Variants in NIPAL2 observed in about 807,000 individuals in gnomAD.
NIPAL2 encodes NIPA like domain containing 2.
In NIPAL2, 43 loss-of-function variants were observed where a neutral mutation model predicts 48.9. The observed-to-expected ratio is 0.88, with a 90% CI of 0.69 to 1.13. NIPAL2 has a LOEUF of 1.13. NIPAL2 is among the 50% of genes most tolerant of loss of function. The probability of loss-of-function intolerance (pLI) is 0.00; values close to 1 mark genes in which losing one functional copy is unlikely to be tolerated. For missense variants in NIPAL2, 446 were observed against 461.4 expected (o/e 0.97, Z 0.31); for synonymous variants, 167 against 174.6 (o/e 0.96, Z 0.34).
At chr8:98,228,479 C>G (rs1274625587) in intron 4 of NIPAL2, among the ~76,000 whole-genome samples, 1 of 152,206 alleles carries the variant, frequency 6.6e-6, no homozygotes, top group Non-Finnish European at 1.5e-5. Flanking sequence ...TACTTGCTAC[C>G]TGGAAGAGCT....
chr8:98,210,056 G>T (rs1264324084), intron 6 of NIPAL2, among the ~76,000 whole-genome samples: 1 of 151,682 alleles, frequency 6.6e-6, no homozygotes, highest in East Asian at 1.9e-4. Flanking sequence ...TCTGATGGAG[G>T]ATCTATTTTA....
chr8:98,284,993 TA>T (rs1816073737), intron 1 of NIPAL2, among the ~76,000 whole-genome samples: 1 of 151,960 alleles, frequency 6.6e-6, no homozygotes, highest in Non-Finnish European at 1.5e-5. Flanking sequence ...TCCTTGGGGG[TA>T]AGGAGAGATA....
rs937343159 is a variant in NIPAL2, at chr8:98,262,843, C to T, written c.136-8756G>A. ...AATATACATTTTTTTCAGCACCGCA[C>T]CACACCTGTTCCAAAATTGACCACA... is the stretch of plus-strand genomic sequence containing the variant. On this transcript the variant is annotated intron_variant, in intron 1 of 10. Coordinates refer to ENST00000430223, the MANE Select transcript of NIPAL2 (RefSeq NM_001321635.2). Among the ~76,000 whole-genome samples the T allele has an allele frequency of 2.0e-5, 3 of 152,108 alleles. No homozygotes were observed. The South Asian group carries it at 6.2e-4, about 32-fold the overall frequency.
intron 1 of NIPAL2, among the ~76,000 whole-genome samples, chr8:98,270,872 G>T (rs1253862563): frequency 6.6e-6 from 1 of 152,042 alleles, no homozygotes; most frequent in Non-Finnish European, 1.5e-5. Flanking sequence ...GAGGTAATTT[G>T]TTTATATGGT....
chr8:98,254,032 G>A lies in NIPAL2; in HGVS notation c.191C>T (p.Ser64Phe), dbSNP rs754625483. 6.2e-7 allele frequency: 1 copy of A among 1,609,244 alleles called. No homozygotes were observed. The highest frequency in any genetic ancestry group is 8.5e-7 in the Non-Finnish European group (1 of 1,176,598). ...CTTTTTTCTTACCTGAATATTTAGA[G>A]AAATACTGATCACCAAGTTTCCTAA... ...AILGNLVISI[S>F]LNIQKYSHLQ... The change falls in exon 2 of 11, where the codon TCT (serine) becomes TTT (phenylalanine). Residue 64 changes from serine (S) to phenylalanine (F), a missense_variant. By Grantham distance (155) the Ser-to-Phe change is radical. Transcript: ENST00000430223.
rs1447895706 is a variant in NIPAL2, at chr8:98,222,682, C to T, written c.437-82G>A. 7 of 1,384,938 alleles carry T rather than the reference C, an allele frequency of 5.1e-6. No homozygotes were observed. In the African/African-American group the frequency reaches 7.2e-5, roughly 14 times the overall value. 85.8% of individuals were successfully genotyped at this position (1,384,938 alleles called of 1,614,324 possible). A position where few individuals can be genotyped will look rare whatever the true frequency, so the allele number is the denominator to read the frequency against. ...ACGCAGACATTGCCTAGAGACTGCG[C>T]ATTACTTGTAAAAGTGCCAATCGCC... On this transcript the variant is annotated intron_variant, in intron 4 of 10. Transcript: ENST00000430223.
At chr8:98,242,737 GC>G (rs535855113) in intron 3 of NIPAL2, among the ~76,000 whole-genome samples, 104 of 152,152 alleles carry the variant, frequency 6.8e-4, no homozygotes, top group African/African-American at 2.3e-3. Context: ...TCCCGCCTTG[GC>G]CTCGCAAAGT....
intron 6 of NIPAL2, among the ~76,000 whole-genome samples, chr8:98,210,836 A>G (rs1275683954): frequency 6.6e-6 from 1 of 152,070 alleles, no homozygotes; most frequent in Non-Finnish European, 1.5e-5. Context: ...CTTAATTTTC[A>G]TTTAGTAATA....
intron 4 of NIPAL2, among the ~76,000 whole-genome samples, 191 bp from the exon 5 acceptor site, chr8:98,222,791 G>C (rs1038464952): frequency 2.0e-5 from 3 of 152,230 alleles, no homozygotes; most frequent in Admixed American, 6.5e-5. Context: ...CAGGGGAATA[G>C]AGCCGGGGGA....
intron 1 of NIPAL2, 78 bp downstream of exon 1, chr8:98,293,925 C>T: frequency 7.8e-7 from 1 of 1,283,978 alleles, no homozygotes; most frequent in Non-Finnish European, 1.0e-6. Flanking sequence ...GGAAAGCGGC[C>T]GAGGCGCAGA....
At chr8:98,204,972 C>G (rs1469107419) in intron 7 of NIPAL2, 139 bp downstream of exon 7, 2 of 877,668 alleles carry the variant, frequency 2.3e-6, no homozygotes, top group Non-Finnish European at 3.6e-6. Context: ...GGCATGTTGG[C>G]TGAGGACAAG....
intron 1 of NIPAL2, among the ~76,000 whole-genome samples, chr8:98,255,710 G>A (rs752108291): frequency 2.6e-5 from 4 of 152,144 alleles, no homozygotes; most frequent in Non-Finnish European, 5.9e-5. Context: ...GAGGCACAAT[G>A]CAATGTACTA....
chr8:98,192,558 C>A lies in NIPAL2; in HGVS notation c.*420G>T. 1 of 159,500 alleles carries A rather than the reference C, an allele frequency of 6.3e-6. No individual in the cohort carries two copies. The highest frequency in any genetic ancestry group is 1.4e-5 in the Non-Finnish European group (1 of 72,884). The allele number at this position is 159,500 out of a possible 1,614,324, so 9.9% of individuals were successfully genotyped here. On this transcript the variant is annotated 3_prime_UTR_variant, in exon 11 of 11. Transcript: ENST00000430223. ...AGGTGTCTTAGAAAAAAAATGAGCG[C>A]TCTCAAACCTTTCTTTTGGGAGTGA...
chr8:98,264,751 G>A (rs1208717650), intron 1 of NIPAL2, among the ~76,000 whole-genome samples: 1 of 151,958 alleles, frequency 6.6e-6, no homozygotes, highest in Non-Finnish European at 1.5e-5. Context: ...AGCTACCAAT[G>A]CCTTTCTTCA....
At chr8:98,256,861 T>C (rs1330947773) in intron 1 of NIPAL2, among the ~76,000 whole-genome samples, 2 of 152,182 alleles carry the variant, frequency 1.3e-5, no homozygotes, top group Non-Finnish European at 2.9e-5. Flanking sequence ...TATTCAATAA[T>C]AGCAGCATTA....
chr8:98,293,399 C>A (rs1439175005), intron 1 of NIPAL2, among the ~76,000 whole-genome samples: 1 of 152,168 alleles, frequency 6.6e-6, no homozygotes, highest in Non-Finnish European at 1.5e-5. Flanking sequence ...TGTAAACTGG[C>A]GTTGTTTAAG....
At position 98,252,613 on chromosome 8, in the gene NIPAL2, C is replaced by A; in HGVS notation, c.226G>T (p.Ala76Ser). 3 of 1,612,496 alleles carry A rather than the reference C, an allele frequency of 1.9e-6. No homozygotes were observed. Among genetic ancestry groups the A allele is most frequent in the Non-Finnish European group, 2.5e-6 (3 of 1,179,566 alleles). Residue 76 changes from alanine (A) to serine (S), a missense_variant, in exon 3 of 11, where the codon GCA (alanine) becomes TCA (serine). Physicochemically the swap from Ala to Ser is moderately conservative, Grantham distance 99. Transcript: ENST00000430223. ...NIQKYSHLQL[A>S]QQEHPRPYFK... The stretch of plus-strand genomic sequence containing the variant: ...TATGGCCTTGGGTGCTCTTGTTGTG[C>A]CAGCTGAAGGTGAGAATATTTCTGA...
intron 3 of NIPAL2, among the ~76,000 whole-genome samples, chr8:98,249,316 G>A (rs536530382): frequency 6.6e-6 from 1 of 152,198 alleles, no homozygotes; most frequent in Non-Finnish European, 1.5e-5. Context: ...AGCTGAGCAC[G>A]TCAGTGAGGA....
chr8:98,248,608 T>C (rs947169342), intron 3 of NIPAL2, among the ~76,000 whole-genome samples: 1 of 152,222 alleles, frequency 6.6e-6, no homozygotes, highest in Non-Finnish European at 1.5e-5. Context: ...ATTTGAACCC[T>C]GGCGGTGTGG....
Sources: allele counts gnomAD v4.1 joint callset (sites outside exome capture counted in the v4.1 genomes callset), GRCh38; gene constraint gnomAD v4.1.1; transcripts MANE v1.5; gene names NCBI Gene and HGNC (gene_info 2026-07-23, HGNC 2026-07-21).